Variants in NPAS2 observed in about 807,000 individuals in gnomAD.
NPAS2 encodes the protein neuronal PAS domain protein 2.
In NPAS2, 23 loss-of-function variants were observed where a neutral mutation model predicts 107.5. The observed-to-expected ratio is 0.21, with a 90% CI of 0.15 to 0.30. NPAS2 has a LOEUF of 0.30. NPAS2 is among the 10% of genes least tolerant of loss of function. NPAS2 has a pLI of 1.00. For missense variants in NPAS2, 756 were observed against 1,043.3 expected (o/e 0.72, Z 3.79); for synonymous variants, 403 against 417.5 (o/e 0.97, Z 0.42).
chr2:100,853,286 T>A (rs1428706117), intron 1 of NPAS2, among the ~76,000 whole-genome samples: 1 of 152,164 alleles, frequency 6.6e-6, no homozygotes, highest in African/African-American at 2.4e-5. Context: ...CGAATCTTGG[T>A]TCTGAAAAGA....
At chr2:100,872,740 G>C (rs77353688) in intron 1 of NPAS2, among the ~76,000 whole-genome samples, 3,256 of 152,216 alleles carry the variant, frequency 0.021, 62 homozygotes, top group South Asian at 0.032. Flanking sequence ...CTCTAGAGCT[G>C]AACACTGGAT....
chr2:100,908,295 G>T (rs1183898985), intron 2 of NPAS2, among the ~76,000 whole-genome samples: 1 of 152,088 alleles, frequency 6.6e-6, no homozygotes, highest in South Asian at 2.1e-4. Context: ...GATAGGGAAA[G>T]CTAAAATTTG....
chr2:100,906,934 A>G (rs1366247618), intron 2 of NPAS2, among the ~76,000 whole-genome samples: 2 of 152,236 alleles, frequency 1.3e-5, no homozygotes, highest in African/African-American at 4.8e-5. Flanking sequence ...GAGAACTTCA[A>G]TACAGACTTC....
At chr2:100,972,513 C>T (rs1054169713) in intron 12 of NPAS2, 4 of 152,300 alleles carry the variant, frequency 2.6e-5, no homozygotes, top group African/African-American at 9.6e-5. Flanking sequence ...CATCTCTCAC[C>T]CCTGAAGGGC....
At chr2:100,949,286 T>C (rs1675084713) in intron 6 of NPAS2, 81 bp from the exon 7 acceptor site, 1 of 829,674 alleles carries the variant, frequency 1.2e-6, no homozygotes, top group Admixed American at 2.0e-5. Flanking sequence ...CCCATAAGAG[T>C]TTTCACAGAG....
intron 5 of NPAS2, among the ~76,000 whole-genome samples, chr2:100,938,772 G>A (rs1034065531): frequency 2.0e-5 from 3 of 151,904 alleles, no homozygotes; most frequent in Admixed American, 6.6e-5. Flanking sequence ...CGGCAGCTTC[G>A]ATCTGCACAC....
chr2:100,936,469 C>T (rs1684306847), intron 4 of NPAS2, among the ~76,000 whole-genome samples: 2 of 152,068 alleles, frequency 1.3e-5, no homozygotes, highest in Admixed American at 6.6e-5. Context: ...TAAAAGTCTC[C>T]CTGAGCTATT....
intron 1 of NPAS2, among the ~76,000 whole-genome samples, chr2:100,865,783 C>G (rs1180361600): frequency 6.6e-6 from 1 of 152,150 alleles, no homozygotes; most frequent in Non-Finnish European, 1.5e-5. Context: ...CAACTGCTGA[C>G]TTTGGGAACA....
chr2:100,979,340 T>C (rs1471378126), intron 15 of NPAS2, among the ~76,000 whole-genome samples: 3 of 151,810 alleles, frequency 2.0e-5, no homozygotes, highest in African/African-American at 7.3e-5. Flanking sequence ...AAAATGAAAA[T>C]GTCTTTAACT....
chr2:100,872,730 C>T (rs1679654949), intron 1 of NPAS2, among the ~76,000 whole-genome samples: 1 of 152,174 alleles, frequency 6.6e-6, no homozygotes, highest in South Asian at 2.1e-4. Context: ...TACTGCCTCA[C>T]TCTAGAGCTG....
rs146021591 is a variant in NPAS2, at chr2:100,977,745, A to G, written c.1428A>G (p.Thr476=). 52 of 1,614,130 alleles carry G rather than the reference A, an allele frequency of 3.2e-5. No individual in the cohort carries two copies. The highest frequency in any genetic ancestry group is 2.7e-5 in the Non-Finnish European group (32 of 1,180,016). ...CTTCCCCATCGTCCTGCGACCTCACACAGCAGCTCCTGCCTCAGACCGTTC... is the reference window on the plus strand; with the variant it reads ...CTTCCCCATCGTCCTGCGACCTCACGCAGCAGCTCCTGCCTCAGACCGTTC... The part of the protein sequence containing the change: ...PLPSPSSCDL[T]QQLLPQTVLQ... Residue 476 remains threonine, a synonymous_variant, in exon 15 of 21, where the codon ACA becomes ACG. Coordinates refer to ENST00000335681, the MANE Select transcript of NPAS2 (RefSeq NM_002518.4).
Position 100,842,644 on chromosome 2 carries a change from G to A in NPAS2, c.-23+22230G>A, listed in dbSNP as rs538550492. Reference sequence around the variant, plus strand: ...CAGACCCTACACAGTTTCACAAAGCGGGTCCATATAACTGAGCACTTCACT... The same window carrying A: ...CAGACCCTACACAGTTTCACAAAGCAGGTCCATATAACTGAGCACTTCACT... On this transcript the variant is annotated intron_variant, in intron 1 of 20. Coordinates refer to ENST00000335681, the MANE Select transcript of NPAS2 (RefSeq NM_002518.4). Among the ~76,000 whole-genome samples the A allele has an allele frequency of 9.9e-5, 15 of 152,190 alleles. No individual in the cohort carries two copies. The East Asian group carries it at 2.1e-3, about 22-fold the overall frequency.
At chr2:100,835,495 C>T (rs183372532) in intron 1 of NPAS2, among the ~76,000 whole-genome samples, 31 of 152,092 alleles carry the variant, frequency 2.0e-4, no homozygotes, top group Admixed American at 7.2e-4. Flanking sequence ...GAGGAGGCTG[C>T]GTGTGAAAGG....
Position 100,995,833 on chromosome 2 carries a change from C to T in NPAS2, c.*251C>T, listed in dbSNP as rs748304175. The T allele has an allele frequency of 2.0e-5, 30 of 1,535,770 alleles. No individual in the cohort carries two copies. In the South Asian group the frequency reaches 3.6e-4, roughly 18 times the overall value. On this transcript the variant is annotated 3_prime_UTR_variant, in exon 21 of 21. Coordinates refer to ENST00000335681, the MANE Select transcript of NPAS2 (RefSeq NM_002518.4). ...ACTCTATAGCCATACTGGACAGGAA[C>T]CAGGTGCCCCGTGTAGGCATCGTCG...
intron 5 of NPAS2, among the ~76,000 whole-genome samples, chr2:100,942,867 C>G (rs1674658342): frequency 6.6e-6 from 1 of 152,192 alleles, no homozygotes; most frequent in Admixed American, 6.5e-5. Context: ...TCTCCTTTTG[C>G]TCAACATCGT....
chr2:100,919,361 A>G (rs571951913), intron 2 of NPAS2, among the ~76,000 whole-genome samples: 1 of 152,304 alleles, frequency 6.6e-6, no homozygotes, highest in South Asian at 2.1e-4. Context: ...ACTGTGTGTT[A>G]ATTTTAAGGG....
At chr2:100,994,926 T>G in intron 20 of NPAS2, 1 of 156,182 alleles carries the variant, frequency 6.4e-6, no homozygotes, top group East Asian at 1.9e-4. Context: ...GCTTCTAAAC[T>G]TCCAATCAAG....
chr2:100,930,247 A>G (rs528922470), intron 3 of NPAS2, among the ~76,000 whole-genome samples: 3 of 152,254 alleles, frequency 2.0e-5, no homozygotes, highest in Non-Finnish European at 4.4e-5. Context: ...GTCTTCATGG[A>G]TGGAAGATGA....
At chr2:100,985,840 A>C (rs1176811971) in intron 16 of NPAS2, 1 of 152,216 alleles carries the variant, frequency 6.6e-6, no homozygotes, top group Non-Finnish European at 1.5e-5. Flanking sequence ...CGAAGGCCAT[A>C]CTGCTAGTAA....
Sources: gnomAD v4.1 joint callset for allele counts (sites outside exome capture counted in the v4.1 genomes callset) on GRCh38, gnomAD v4.1.1 for gene constraint, MANE v1.5 for transcripts, NCBI Gene and HGNC (gene_info 2026-07-23, HGNC 2026-07-21) for gene names.